GALNTL6: variants seen among roughly 807,000 people sequenced by gnomAD.
GALNTL6 encodes the protein polypeptide N-acetylgalactosaminyltransferase like 6.
GALNTL6 carries 46 observed loss-of-function variants against 73.7 expected under a neutral mutation model. That is an observed-to-expected ratio of 0.62 (90% confidence interval 0.49 to 0.80). GALNTL6 has a LOEUF of 0.80. Among genes scored for constraint, GALNTL6 ranks in the 30% least tolerant of loss-of-function variants. The pLI is 0.00. For missense variants in GALNTL6, 604 were observed against 755.0 expected (o/e 0.80, Z 2.34); for synonymous variants, 259 against 263.7 (o/e 0.98, Z 0.17).
chr4:171,996,575 C>T (rs1261794899), intron 2 of GALNTL6, among the ~76,000 whole-genome samples: 1 of 151,998 alleles, frequency 6.6e-6, no homozygotes, highest in Non-Finnish European at 1.5e-5. Flanking sequence ...GATGCTGTTA[C>T]TATTAGGATT....
At chr4:172,419,245 A>G (rs1730960174) in intron 5 of GALNTL6, among the ~76,000 whole-genome samples, 1 of 152,140 alleles carries the variant, frequency 6.6e-6, no homozygotes, top group Non-Finnish European at 1.5e-5. Flanking sequence ...CCAGGCTTTC[A>G]AACCAAGGCA....
At chr4:172,672,124 C>A (rs1202173684) in intron 5 of GALNTL6, among the ~76,000 whole-genome samples, 1 of 152,202 alleles carries the variant, frequency 6.6e-6, no homozygotes, top group African/African-American at 2.4e-5. Flanking sequence ...CTCTCCACCT[C>A]AGGTGATCCA....
chr4:172,277,456 A>G (rs1212617163), intron 3 of GALNTL6, among the ~76,000 whole-genome samples: 4 of 152,158 alleles, frequency 2.6e-5, no homozygotes, highest in Non-Finnish European at 5.9e-5. Context: ...TTTCCTGAAT[A>G]TTAGAGAAAA....
chr4:172,482,385 C>T (rs867404524), intron 5 of GALNTL6, among the ~76,000 whole-genome samples: 2 of 152,236 alleles, frequency 1.3e-5, no homozygotes, highest in South Asian at 2.1e-4. Flanking sequence ...CCCAAGGAGG[C>T]GCTGAGAGCG....
intron 5 of GALNTL6, among the ~76,000 whole-genome samples, chr4:172,670,274 A>G (rs1731901484): frequency 1.3e-5 from 2 of 152,294 alleles, no homozygotes; most frequent in Admixed American, 1.3e-4. Flanking sequence ...CACCAACAGT[A>G]TATAAGCATT....
chr4:172,322,276 CT>C (rs559276946), intron 4 of GALNTL6, among the ~76,000 whole-genome samples: 41 of 152,242 alleles, frequency 2.7e-4, no homozygotes, highest in Admixed American at 1.0e-3. Flanking sequence ...TTTTAATGAA[CT>C]TTCGCTTCTG....
chr4:172,832,843 C>T (rs1742709453), intron 7 of GALNTL6, among the ~76,000 whole-genome samples: 1 of 152,174 alleles, frequency 6.6e-6, no homozygotes, highest in Non-Finnish European at 1.5e-5. Flanking sequence ...TTTCACTAGA[C>T]AGGACAAAAT....
intron 3 of GALNTL6, among the ~76,000 whole-genome samples, chr4:172,251,832 A>G (rs1018566133): frequency 2.0e-5 from 3 of 152,140 alleles, no homozygotes; most frequent in Non-Finnish European, 2.9e-5. Flanking sequence ...CTTCAGGAGC[A>G]TCGTGAAGAC....
rs994391798 is a variant in GALNTL6, at chr4:172,292,885, T to G, written c.248-18729T>G. Among the ~76,000 whole-genome samples, 123 of 152,242 alleles carry G rather than the reference T, an allele frequency of 8.1e-4. 1 individual carries two copies. Among genetic ancestry groups the G allele is most frequent in the African/African-American group, 2.9e-3 (121 of 41,568 alleles). The stretch of plus-strand genomic sequence containing the variant: ...TTGCATATTTCAGTTGTCTGTACTC[T>G]CTGTATGCCACATTTGTTGGAACAA... On this transcript the variant is annotated intron_variant, in intron 3 of 12. Coordinates refer to ENST00000506823, the MANE Select transcript of GALNTL6 (RefSeq NM_001034845.3).
intron 5 of GALNTL6, among the ~76,000 whole-genome samples, chr4:172,556,677 T>G (rs1736152364): frequency 6.6e-6 from 1 of 151,356 alleles, no homozygotes. Flanking sequence ...AAATGTTTTC[T>G]GCATTATAGA....
At chr4:172,180,527 C>T (rs1010790031) in intron 2 of GALNTL6, among the ~76,000 whole-genome samples, 18 of 152,070 alleles carry the variant, frequency 1.2e-4, no homozygotes, top group African/African-American at 4.3e-4. Flanking sequence ...TTTGCCCATG[C>T]CTATGTCCTG....
chr4:172,309,089 T>G (rs71607881), intron 3 of GALNTL6, among the ~76,000 whole-genome samples: 1 of 151,752 alleles, frequency 6.6e-6, no homozygotes, highest in South Asian at 2.1e-4. Context: ...TTTTTTTTTG[T>G]TTTTATTTTT....
intron 2 of GALNTL6, among the ~76,000 whole-genome samples, chr4:172,139,468 TTATA>T (rs1211772379): frequency 6.6e-6 from 1 of 152,204 alleles, no homozygotes; most frequent in Non-Finnish European, 1.5e-5. Flanking sequence ...AGGGAGAGAA[TTATA>T]TCTCACAGCC....
intron 2 of GALNTL6, among the ~76,000 whole-genome samples, chr4:172,097,299 C>T (rs1361865108): frequency 1.3e-5 from 2 of 152,180 alleles, no homozygotes; most frequent in Non-Finnish European, 2.9e-5. Context: ...AGTGCTATCT[C>T]TCAATATCCT....
chr4:172,267,297 T>A (rs979179487), intron 3 of GALNTL6, among the ~76,000 whole-genome samples: 3 of 152,068 alleles, frequency 2.0e-5, no homozygotes, highest in African/African-American at 7.2e-5. Flanking sequence ...TTGTGTACAG[T>A]CATGAAAAGT....
At chr4:172,386,183 A>G (rs1016753582) in intron 5 of GALNTL6, among the ~76,000 whole-genome samples, 1 of 152,170 alleles carries the variant, frequency 6.6e-6, no homozygotes, top group Non-Finnish European at 1.5e-5. Flanking sequence ...AAATACATTA[A>G]TAATAATTTT....
At chr4:172,112,206 A>G (rs887088675) in intron 2 of GALNTL6, among the ~76,000 whole-genome samples, 2 of 151,960 alleles carry the variant, frequency 1.3e-5, no homozygotes, top group African/African-American at 2.4e-5. Context: ...TGGCCTTTCC[A>G]TATCTTTTCA....
chr4:172,722,377 T>C (rs1008934323), intron 5 of GALNTL6, among the ~76,000 whole-genome samples: 7 of 152,284 alleles, frequency 4.6e-5, no homozygotes, highest in Admixed American at 2.6e-4. Context: ...AGAATAAGCT[T>C]TATAAAGCAT....
intron 5 of GALNTL6, among the ~76,000 whole-genome samples, chr4:172,612,315 A>T (rs1738555343): frequency 1.3e-5 from 2 of 152,066 alleles, no homozygotes; most frequent in South Asian, 4.1e-4. Context: ...ATTATGATGC[A>T]GATGATCTGA....
Sources: gnomAD v4.1 joint callset for allele counts (sites outside exome capture counted in the v4.1 genomes callset) on GRCh38, gnomAD v4.1.1 for gene constraint, MANE v1.5 for transcripts, NCBI Gene and HGNC (gene_info 2026-07-23, HGNC 2026-07-21) for gene names.